Variants in FAR2 observed in about 807,000 individuals in gnomAD.
FAR2 encodes epididymis secretory protein Li 81.
FAR2 carries 19 observed loss-of-function variants against 56.0 expected under a neutral mutation model. That is an observed-to-expected ratio of 0.34 (90% CI 0.24 to 0.50). FAR2 has a LOEUF of 0.50. Ranked by LOEUF, FAR2 falls within the 20% of genes least tolerant of loss-of-function variation. The probability of loss-of-function intolerance (pLI) is 0.98; values close to 1 mark genes in which losing one functional copy is unlikely to be tolerated. For missense variants in FAR2, 508 were observed against 642.2 expected, an observed-to-expected ratio of 0.79 and a Z score of 2.26; for synonymous variants, 219 against 218.8, an observed-to-expected ratio of 1.00 and a Z score of -0.01.
chr12:29,175,820 C>A (rs1220138116), intron 1 of FAR2, among the ~76,000 whole-genome samples: 1 of 152,062 alleles, frequency 6.6e-6, no homozygotes, highest in East Asian at 1.9e-4. Context: ...ATTTACAATC[C>A]TTTAGCTAGA....
chr12:29,238,566 A>G (rs1947977563), intron 1 of FAR2, among the ~76,000 whole-genome samples: 1 of 152,152 alleles, frequency 6.6e-6, no homozygotes, highest in Non-Finnish European at 1.5e-5. Context: ...TTAAGAGTAT[A>G]GAGAAATCCT....
At chr12:29,294,797 A>G (rs1422003721) in intron 3 of FAR2, among the ~76,000 whole-genome samples, 1 of 152,154 alleles carries the variant, frequency 6.6e-6, no homozygotes, top group Non-Finnish European at 1.5e-5. Flanking sequence ...CCATTTATAA[A>G]GTATTTACCT....
chr12:29,178,981 G>A (rs1412324089), intron 1 of FAR2, among the ~76,000 whole-genome samples: 1 of 152,046 alleles, frequency 6.6e-6, no homozygotes, highest in Admixed American at 6.5e-5. Context: ...GCTGTTCCTG[G>A]CCTCTCTCTC....
chr12:29,265,435 T>C (rs1226493494), intron 1 of FAR2, among the ~76,000 whole-genome samples: 1 of 152,090 alleles, frequency 6.6e-6, no homozygotes, highest in Non-Finnish European at 1.5e-5. Flanking sequence ...GAAAGGACAA[T>C]CTCTTCTATA....
chr12:29,281,334 G>A (rs1246465707), intron 2 of FAR2: 1 of 152,318 alleles, frequency 6.6e-6, no homozygotes. Flanking sequence ...TGATTAGCGA[G>A]TATTGAGAAG....
intron 1 of FAR2, among the ~76,000 whole-genome samples, chr12:29,234,325 G>A (rs1393193974): frequency 2.0e-5 from 3 of 151,878 alleles, no homozygotes; most frequent in African/African-American, 4.8e-5. Context: ...CCCTTTCCTA[G>A]TCAATATCAT....
intron 1 of FAR2, among the ~76,000 whole-genome samples, chr12:29,180,810 C>T (rs1229726935): frequency 6.6e-6 from 1 of 151,958 alleles, no homozygotes; most frequent in African/African-American, 2.4e-5. Context: ...TCCATTCATA[C>T]TCACAAAATA....
chr12:29,249,393 G>A (rs7299772), intron 1 of FAR2, among the ~76,000 whole-genome samples: 78,223 of 151,960 alleles, frequency 0.51, 20,360 homozygotes, highest in East Asian at 0.64. Context: ...ATCTGTGCAT[G>A]CATTTACACT....
rs770868547 is a variant in FAR2 at position 29,317,025 on chromosome 12, G to A, written c.1127+13G>A. ...GAAGGAAGCCCAGGTGAGAAGCTGA[G>A]TCAATGGCTTTGAGAGTGTCACTGC... On this transcript the variant is annotated intron_variant, in intron 9 of 11. Transcript: ENST00000536681. 6.2e-7 allele frequency: 1 copy of A among 1,608,886 alleles called. No homozygotes were observed. Among genetic ancestry groups the A allele is most frequent in the Non-Finnish European group, 8.5e-7 (1 of 1,177,084 alleles).
chr12:29,310,778 A>G (rs574598523), intron 6 of FAR2, among the ~76,000 whole-genome samples: 5 of 152,148 alleles, frequency 3.3e-5, no homozygotes, highest in Admixed American at 6.6e-5. Flanking sequence ...CACAAATTTG[A>G]GGAATTTTAT....
At chr12:29,277,220 C>T (rs1336731339) in intron 2 of FAR2, among the ~76,000 whole-genome samples, 1 of 152,204 alleles carries the variant, frequency 6.6e-6, no homozygotes, top group African/African-American at 2.4e-5. Flanking sequence ...TCGTGATCCA[C>T]CCACCTCAGC....
chr12:29,269,910 C>G (rs1948585523), intron 1 of FAR2, among the ~76,000 whole-genome samples: 1 of 152,230 alleles, frequency 6.6e-6, no homozygotes, highest in African/African-American at 2.4e-5. Flanking sequence ...TCCTGTAACA[C>G]TGCATCCCTT....
intron 1 of FAR2, among the ~76,000 whole-genome samples, chr12:29,265,831 A>C (rs950070034): frequency 1.3e-5 from 2 of 152,168 alleles, no homozygotes; most frequent in African/African-American, 4.8e-5. Flanking sequence ...AAAATCTAAT[A>C]ATCCTACTTA....
At chr12:29,201,765 G>T (rs1446248951) in intron 1 of FAR2, among the ~76,000 whole-genome samples, 1 of 152,150 alleles carries the variant, frequency 6.6e-6, no homozygotes, top group East Asian at 1.9e-4. Flanking sequence ...ATATAAAATT[G>T]AAATGTAATT....
At position 29,239,956 on chromosome 12, in the gene FAR2, A is replaced by G. The variant is rs143084053; in HGVS notation, c.-38-30456A>G. 3.3e-5 allele frequency among the ~76,000 whole-genome samples: 5 copies of G among 152,306 alleles called. No individual in the cohort carries two copies. The East Asian group carries it at 9.7e-4, about 29-fold the overall frequency. ...TATTAGTCCTTTTCAGAGAACCACT[A>G]TCCAGTCATCTGGCTCTTACTTTCC... On this transcript the variant is annotated intron_variant, in intron 1 of 11. Coordinates refer to ENST00000536681, the MANE Select transcript of FAR2 (RefSeq NM_001271783.2).
intron 1 of FAR2, among the ~76,000 whole-genome samples, chr12:29,172,889 A>T (rs1181619176): frequency 1.3e-5 from 2 of 152,078 alleles, no homozygotes; most frequent in Admixed American, 6.5e-5. Flanking sequence ...AGTCCCCATG[A>T]TCTGAGTTGA....
At chr12:29,173,175 A>G (rs1056778600) in intron 1 of FAR2, among the ~76,000 whole-genome samples, 4 of 152,142 alleles carry the variant, frequency 2.6e-5, no homozygotes, top group African/African-American at 9.7e-5. Flanking sequence ...GTCTGCTTTG[A>G]TCTGCTTTAT....
chr12:29,227,563 C>T lies in FAR2; in HGVS notation c.-38-42849C>T, dbSNP rs541455386. On this transcript the variant is annotated intron_variant, in intron 1 of 11. Transcript: ENST00000536681. ...ACTCTGTAATTTACAGTACTTGCCC[C>T]AAGGTTTCCTGCGTTATCCTTTTTG... Among the ~76,000 whole-genome samples the T allele has an allele frequency of 2.9e-3, 440 of 152,250 alleles. 1 individual carries two copies. The highest frequency in any genetic ancestry group is 5.6e-3 in the Non-Finnish European group (380 of 68,026).
At chr12:29,317,345 T>G (rs527985460) in intron 9 of FAR2, among the ~76,000 whole-genome samples, 1 of 152,280 alleles carries the variant, frequency 6.6e-6, no homozygotes, top group South Asian at 2.1e-4. Flanking sequence ...TATGGCTAAG[T>G]GTGTATGAAA....
Sources: gnomAD v4.1 joint callset for allele counts (sites outside exome capture counted in the v4.1 genomes callset) on GRCh38, gnomAD v4.1.1 for gene constraint, MANE v1.5 for transcripts, NCBI Gene and HGNC (gene_info 2026-07-23, HGNC 2026-07-21) for gene names.